Variants in RELA observed in about 807,000 individuals in gnomAD.
RELA encodes the protein transcription factor p65.
In RELA, 14 loss-of-function variants were observed where a neutral mutation model predicts 56.7. The observed-to-expected ratio is 0.25, with a 90% CI of 0.16 to 0.39. The LOEUF is 0.39. Among genes scored for constraint, RELA ranks in the 10% least tolerant of loss-of-function variants. The probability of loss-of-function intolerance (pLI) is 1.00; values close to 1 mark genes in which losing one functional copy is unlikely to be tolerated. For missense variants in RELA, 559 were observed against 736.4 expected (o/e 0.76, Z 2.79); for synonymous variants, 315 against 289.7 (o/e 1.09, Z -0.89).
chr11:65,655,889 G>A lies in RELA; in HGVS notation c.924C>T (p.Thr308=), dbSNP rs1023099996. The A allele has an allele frequency of 6.2e-7, 1 of 1,614,120 alleles. No individual in the cohort carries two copies. Among genetic ancestry groups the A allele is most frequent in the South Asian group, 1.1e-5 (1 of 91,084 alleles). The change falls in exon 9 of 11, where the codon ACC becomes ACT. Residue 308 remains threonine, a synonymous_variant. Transcript: ENST00000406246. The stretch of plus-strand genomic sequence containing the variant: ...GACTCTTCTTCATGATGCTCTTGAA[G>A]GTCTCATATGTCCTTTTACGTTTCT... ...IEEKRKRTYE[T]FKSIMKKSPF... is the part of the protein sequence containing the mutation.
In RELA at chr11:65,654,925, G is replaced by C; in HGVS notation, c.1109C>G (p.Ser370Cys). 1.2e-6 allele frequency: 2 copies of C among 1,601,718 alleles called. No homozygotes were observed. The highest frequency in any genetic ancestry group is 1.1e-5 in the South Asian group (1 of 88,738). Residue 370 changes from serine to cysteine, a missense_variant, in exon 11 of 11, where the codon TCT (serine) becomes TGT (cysteine). Coordinates refer to ENST00000406246, the MANE Select transcript of RELA (RefSeq NM_021975.4). ...GGCCGAGGCCTGGCTGATCTGCCCA[G>C]AAGGAAACACCATGGTGGGAAACTC... ...YDEFPTMVFP[S>C]GQISQASALA...
intron 1 of RELA, 85 bp from the exon 2 acceptor site, chr11:65,662,290 C>T: frequency 7.1e-7 from 1 of 1,416,626 alleles, no homozygotes; most frequent in Non-Finnish European, 9.3e-7. Context: ...AGAGGAGAAG[C>T]CAGGCTCCCT....
In RELA at chr11:65,655,202, C is replaced by T. The variant is rs1408272329; in HGVS notation, c.1034-202G>A. ...AGCCACACCTCCACCTTGGAGTCCT[C>T]CCTGACTACTCAAGCCCACGAAACT... On this transcript the variant is annotated intron_variant, in intron 10 of 10. Transcript: ENST00000406246. 1.5e-5 allele frequency: 9 copies of T among 596,374 alleles called. No homozygotes were observed. In the African/African-American group the frequency reaches 1.7e-4, roughly 11 times the overall value. The allele number at this position is 596,374 out of a possible 1,614,324, so 36.9% of individuals were successfully genotyped here.
Position 65,659,655 on chromosome 11 carries a change from T to C in RELA, c.559+11A>G. The C allele has an allele frequency of 6.2e-7, 1 of 1,613,144 alleles. No homozygotes were observed. Among genetic ancestry groups the C allele is most frequent in the Non-Finnish European group, 8.5e-7 (1 of 1,179,914 alleles). ...ACCCTCTCCCCTTCCTGCGTCTCCC[T>C]CGCTACTCACGATTGTCAAAGATGG... On this transcript the variant is annotated intron_variant, in intron 6 of 10. Transcript: ENST00000406246.
In RELA at chr11:65,654,160, C is replaced by T. The variant is rs542335113; in HGVS notation, c.*218G>A. The T allele has an allele frequency of 7.5e-6, 5 of 666,994 alleles. No homozygotes were observed. Among genetic ancestry groups the T allele is most frequent in the South Asian group, 1.6e-5 (1 of 62,494 alleles). 41.3% of individuals were successfully genotyped at this position (666,994 alleles called of 1,614,324 possible). ...AAAGTTTGAGTTTCCCCAGCTCCCC[C>T]CTTTCCAGAGAAGTTAATGCTTCTG... is the stretch of plus-strand genomic sequence containing the variant. On this transcript the variant is annotated 3_prime_UTR_variant, in exon 11 of 11. Coordinates refer to ENST00000406246, the MANE Select transcript of RELA (RefSeq NM_021975.4).
Position 65,659,682 on chromosome 11 carries a change from A to G in RELA, c.543T>C (p.His181=). The G allele has an allele frequency of 6.2e-7, 1 of 1,613,686 alleles. No individual in the cohort carries two copies. Among genetic ancestry groups the G allele is most frequent in the Non-Finnish European group, 8.5e-7 (1 of 1,179,944 alleles). ...GCTACTCACGATTGTCAAAGATGGG[A>G]TGAGAAAGGACAGGCGGCAGGCGGA... The part of the protein sequence containing the change: ...RPLRLPPVLS[H]PIFDNRAPNT... Residue 181 remains histidine (H), a synonymous_variant, in exon 6 of 11, where the codon CAT becomes CAC. Coordinates refer to ENST00000406246, the MANE Select transcript of RELA (RefSeq NM_021975.4).
At chr11:65,659,634 T>A in intron 6 of RELA, 32 bp downstream of exon 6, 1 of 1,611,696 alleles carries the variant, frequency 6.2e-7, no homozygotes, top group Non-Finnish European at 8.5e-7. Flanking sequence ...AGGCCCACCC[T>A]CTCCCCTTCC....
Position 65,653,825 on chromosome 11 carries a change from T to C in RELA, c.*553A>G, listed in dbSNP as rs1565186916. The C allele has an allele frequency of 5.8e-6, 1 of 173,718 alleles. No homozygotes were observed. The highest frequency in any genetic ancestry group is 1.2e-5 in the Non-Finnish European group (1 of 80,828). The allele number at this position is 173,718 out of a possible 1,614,324, so 10.8% of individuals were successfully genotyped here. A position where few individuals can be genotyped will look rare whatever the true frequency, so the allele number is the denominator to read the frequency against. On this transcript the variant is annotated 3_prime_UTR_variant, in exon 11 of 11. Coordinates refer to ENST00000406246, the MANE Select transcript of RELA (RefSeq NM_021975.4). ...GAGAGAGCCAGTGCTGTTGCACTGG[T>C]TTCCTTCAGCCATGGTTGAGCAAGG...
Position 65,653,672 on chromosome 11 carries a change from A to C in RELA, c.*706T>G, listed in dbSNP as rs1376584451. ...TCCAAGTGCTTTGATTGTTCAGTAA[A>C]AACTATGCCTCCTGACTGGAGAGCT... On this transcript the variant is annotated 3_prime_UTR_variant, in exon 11 of 11. Transcript: ENST00000406246. 1.3e-5 allele frequency: 2 copies of C among 152,558 alleles called. No homozygotes were observed. Among genetic ancestry groups the C allele is most frequent in the Non-Finnish European group, 1.5e-5 (1 of 68,164 alleles). 9.5% of individuals were successfully genotyped at this position (152,558 alleles called of 1,614,324 possible).
At chr11:65,659,915 A>G (rs1339005136) in intron 5 of RELA, 118 bp from the exon 6 acceptor site, 5 of 1,360,404 alleles carry the variant, frequency 3.7e-6, no homozygotes, top group South Asian at 1.4e-5. Flanking sequence ...CACAAGTCCT[A>G]GAGGAGGCAG....
rs749325969 is a variant in RELA, at chr11:65,655,752, G to T, written c.969C>A (p.Asp323Glu). The T allele has an allele frequency of 1.2e-6, 2 of 1,614,020 alleles. No individual in the cohort carries two copies. Among genetic ancestry groups the T allele is most frequent in the South Asian group, 2.2e-5 (2 of 91,074 alleles). ...MKKSPFSGPT[D>E]PRPPPRRIAV... ...CAATGCGTCGAGGTGGAGGCCGGGGGTCGGTGGGTCCTGTAGGGCAAGGGC... is the reference window on the plus strand; with the variant it reads ...CAATGCGTCGAGGTGGAGGCCGGGGTTCGGTGGGTCCTGTAGGGCAAGGGC... Residue 323 changes from aspartate to glutamate, a missense_variant, in exon 10 of 11, where the codon GAC (aspartate) becomes GAA (glutamate). Physicochemically the swap from Asp to Glu is conservative, Grantham distance 45. Transcript: ENST00000406246.
chr11:65,654,806 C>A lies in RELA; in HGVS notation c.1228G>T (p.Val410Phe). ...VSALAQAPAP[V>F]PVLAPGPPQA... is the part of the protein sequence containing the mutation. ...GGAGGGCCTGGGGCTAGGACTGGGA[C>A]AGGGGCTGGGGCCTGGGCCAGAGCT... Residue 410 changes from valine to phenylalanine, a missense_variant, in exon 11 of 11, where the codon GTC (valine) becomes TTC (phenylalanine). Around this residue, in one of 4 missense-constraint regions of RELA, gnomAD observed 365 missense variants for 387.5 expected, o/e 0.94. Transcript: ENST00000406246. 1.3e-6 allele frequency: 2 copies of A among 1,531,030 alleles called. No homozygotes were observed. The highest frequency in any genetic ancestry group is 1.2e-5 in the South Asian group (1 of 80,184). The allele number at this position is 1,531,030 out of a possible 1,614,324, so 94.8% of individuals were successfully genotyped here.
intron 1 of RELA, chr11:65,662,423 A>G: frequency 1.8e-6 from 1 of 555,142 alleles, no homozygotes; most frequent in Non-Finnish European, 3.1e-6. Flanking sequence ...TCTTCTCCAG[A>G]GGGAAGCTGA....
chr11:65,663,218 T>G, upstream of RELA: 1 of 156,494 alleles, frequency 6.4e-6, no homozygotes, highest in Non-Finnish European at 1.4e-5. Flanking sequence ...CGGCGGAGTT[T>G]GGTGATGTCA....
In RELA at chr11:65,655,015, CAG is replaced by C; in HGVS notation, c.1034-17_1034-16del. 3 of 1,580,238 alleles carry C rather than the reference CAG, an allele frequency of 1.9e-6. No homozygotes were observed. The highest frequency in any genetic ancestry group is 1.7e-6 in the Non-Finnish European group (2 of 1,161,692). On this transcript the variant is annotated splice_polypyrimidine_tract_variant and intron_variant, in intron 10 of 10. Transcript: ENST00000406246. Reference sequence around the variant, plus strand: ...GGGCTGGGGTGCTGGAGGAGAGAGACAGAGAGGCAGGGGTCAGAGAAAGCCCT... The same window carrying C: ...GGGCTGGGGTGCTGGAGGAGAGAGACAGAGGCAGGGGTCAGAGAAAGCCCT...
At chr11:65,655,397 G>C (rs1476317397) in intron 10 of RELA, 1 of 586,426 alleles carries the variant, frequency 1.7e-6, no homozygotes, top group African/African-American at 1.9e-5. Context: ...CACACATCTT[G>C]CTAATTTAGA....
chr11:65,654,778 T>C lies in RELA; in HGVS notation c.1256A>G (p.Gln419Arg), dbSNP rs2135549470. The C allele has an allele frequency of 1.3e-6, 2 of 1,509,824 alleles. No homozygotes were observed. Among genetic ancestry groups the C allele is most frequent in the South Asian group, 1.3e-5 (1 of 76,878 alleles). The allele number at this position is 1,509,824 out of a possible 1,614,324, so 93.5% of individuals were successfully genotyped here. A position where few individuals can be genotyped will look rare whatever the true frequency, so the allele number is the denominator to read the frequency against. The change falls in exon 11 of 11, where the codon CAG becomes CGG. Residue 419 changes from glutamine (Q) to arginine (R), a missense_variant. Gln to Arg is a conservative substitution (Grantham distance 43). This residue lies in a region of RELA where 365 missense variants were observed against 387.5 expected (regional missense o/e 0.94). Coordinates refer to ENST00000406246, the MANE Select transcript of RELA (RefSeq NM_021975.4). ...CTTGGGGGCAGGTGGGGCCACAGCC[T>C]GAGGAGGGCCTGGGGCTAGGACTGG... ...PVPVLAPGPPQAVAPPAPKPT... is the reference protein window; with the variant it reads ...PVPVLAPGPPRAVAPPAPKPT...
At chr11:65,660,028 A>G in intron 5 of RELA, 96 bp downstream of exon 5, 1 of 1,317,856 alleles carries the variant, frequency 7.6e-7, no homozygotes, top group Non-Finnish European at 1.1e-6. Flanking sequence ...CCAAGATTCC[A>G]GCTTTACTGT....
Position 65,658,381 on chromosome 11 carries a change from G to C in RELA, c.783C>G (p.Ser261Arg), listed in dbSNP as rs1381464457. 2 of 1,613,846 alleles carry C rather than the reference G, an allele frequency of 1.2e-6. No individual in the cohort carries two copies. Among genetic ancestry groups the C allele is most frequent in the Non-Finnish European group, 1.7e-6 (2 of 1,179,976 alleles). ...TGGAGACACGCACAGGAGCCTGCAG[G>C]CTGGGGTCTGCGTAGGGAGGGGTCC... ...VFRTPPYADP[S>R]LQAPVRVSMQ... Residue 261 changes from serine to arginine, a missense_variant, in exon 8 of 11, where the codon AGC (serine) becomes AGG (arginine). This residue lies in a region of RELA where 365 missense variants were observed against 387.5 expected (regional missense o/e 0.94). Coordinates refer to ENST00000406246, the MANE Select transcript of RELA (RefSeq NM_021975.4). This position sits in a 1 kb window ranked among gnomAD's most constrained non-coding sequence, Gnocchi z 4.5.
Sources: gnomAD v4.1 joint callset for allele counts on GRCh38, gnomAD v4.1.1 for gene constraint, gnomAD v4.1.1 regional missense constraint, Gnocchi (gnomAD v3.1) non-coding constraint, MANE v1.5 for transcripts, NCBI Gene and HGNC (gene_info 2026-07-23, HGNC 2026-07-21) for gene names.